The following PLCG2 variants were observed in gnomAD, a reference collection of about 807,000 sequenced individuals.
PLCG2 encodes the protein phospholipase C gamma 2, also known as 1-phosphatidylinositol 4,5-bisphosphate phosphodiesterase gamma-2.
PLCG2 carries 69 observed loss-of-function variants against 175.6 expected under a neutral mutation model. The ratio of observed to expected loss-of-function variants is 0.39; its 90% confidence interval spans 0.32 to 0.48. PLCG2 has a LOEUF of 0.48. Among genes scored for constraint, PLCG2 ranks in the 20% least tolerant of loss-of-function variants. PLCG2 has a pLI of 0.91. For missense variants in PLCG2, 1,798 were observed against 1,650.9 expected, an observed-to-expected ratio of 1.09 and a Z score of -1.54; for synonymous variants, 827 against 624.0, an observed-to-expected ratio of 1.33 and a Z score of -4.85.
intron 2 of PLCG2, among the ~76,000 whole-genome samples, chr16:81,804,738 C>G (rs1911913597): frequency 6.6e-6 from 1 of 152,166 alleles, no homozygotes; most frequent in Non-Finnish European, 1.5e-5. Context: ...ATGCTTCTTC[C>G]TAACTGTCCA....
At chr16:81,828,263 T>TTTTTG (rs1905124606) in intron 2 of PLCG2, among the ~76,000 whole-genome samples, 1 of 59,952 alleles carries the variant, frequency 1.7e-5, no homozygotes, top group African/African-American at 6.1e-5. Context: ...TTTTTTTTTT[T>TTTTTG]GAGACAGAAT....
intron 2 of PLCG2, among the ~76,000 whole-genome samples, chr16:81,809,683 G>T (rs918620550): frequency 6.6e-6 from 1 of 151,752 alleles, no homozygotes; most frequent in Non-Finnish European, 1.5e-5. Context: ...GTTCCCTGCG[G>T]TGTGTGAGCC....
chr16:81,917,100 C>T (rs567858570), intron 19 of PLCG2, among the ~76,000 whole-genome samples: 1 of 152,186 alleles, frequency 6.6e-6, no homozygotes, highest in African/African-American at 2.4e-5. Context: ...TCTCCACTTC[C>T]GTGAGTTTAA....
At chr16:81,873,349 T>A (rs1907611072) in intron 7 of PLCG2, among the ~76,000 whole-genome samples, 1 of 152,244 alleles carries the variant, frequency 6.6e-6, no homozygotes. Context: ...TAAAAGCTTA[T>A]CAGAATACTT....
intron 2 of PLCG2, among the ~76,000 whole-genome samples, chr16:81,812,203 C>T (rs1244784583): frequency 6.6e-6 from 1 of 152,024 alleles, no homozygotes; most frequent in East Asian, 1.9e-4. Flanking sequence ...GCACCTGCCA[C>T]CGCGCCTGGC....
chr16:81,951,242 G>A (rs1026874163), intron 31 of PLCG2, among the ~76,000 whole-genome samples: 4 of 152,138 alleles, frequency 2.6e-5, no homozygotes, highest in African/African-American at 4.8e-5. Flanking sequence ...GGAATTACAC[G>A]TGTCAGCCAC....
chr16:81,787,722 C>A (rs1315942010), intron 2 of PLCG2, among the ~76,000 whole-genome samples: 1 of 152,042 alleles, frequency 6.6e-6, no homozygotes, highest in Non-Finnish European at 1.5e-5. Context: ...CTTTCACCAT[C>A]ACCCCATCCC....
At position 81,869,255 on chromosome 16, in the gene PLCG2, A is replaced by C; in HGVS notation, c.521A>C (p.Asn174Thr). Residue 174 changes from asparagine to threonine, a missense_variant, in exon 6 of 33, where the codon AAC (asparagine) becomes ACC (threonine). Transcript: ENST00000564138. ...RELKTILPLI[N>T]FKVSSAKFLK... ...TTGAAGACCATCTTGCCCCTGATCA[A>C]CTTTAAAGTGAGCAGTGCCAAGTTC... The C allele has an allele frequency of 6.2e-7, 1 of 1,614,004 alleles. No homozygotes were observed. Among genetic ancestry groups the C allele is most frequent in the Non-Finnish European group, 8.5e-7 (1 of 1,179,878 alleles).
intron 6 of PLCG2, among the ~76,000 whole-genome samples, chr16:81,869,699 T>A (rs1907420743): frequency 6.6e-6 from 1 of 152,218 alleles, no homozygotes; most frequent in South Asian, 2.1e-4. Context: ...TGTATGCAAG[T>A]CCTGGTAGTG....
In PLCG2 at chr16:81,795,793, C is replaced by T. The variant is rs115314940; in HGVS notation, c.193+9611C>T. 4.0e-3 allele frequency among the ~76,000 whole-genome samples: 612 copies of T among 152,182 alleles called. 5 individuals carry two copies. Among genetic ancestry groups the T allele is most frequent in the African/African-American group, 0.014 (574 of 41,518 alleles). On this transcript the variant is annotated intron_variant, in intron 2 of 32. Transcript: ENST00000564138. ...CAGCTCACTGCAGCCTTGAACTCCT[C>T]GGATCAAGTGATCCTCCTGCTTTGG...
intron 22 of PLCG2, among the ~76,000 whole-genome samples, chr16:81,924,498 T>G (rs1328015181): frequency 6.6e-6 from 1 of 152,366 alleles, no homozygotes; most frequent in African/African-American, 2.4e-5. Flanking sequence ...ATGAGGAAAC[T>G]GAAGCCTTCA....
At chr16:81,938,980 C>A (rs1330575777) in intron 29 of PLCG2, 65 bp downstream of exon 29, 5 of 899,020 alleles carry the variant, frequency 5.6e-6, no homozygotes, top group Non-Finnish European at 9.1e-6. Flanking sequence ...TGTGGGAGTG[C>A]TCTTCGTGGG....
At chr16:81,790,612 T>G (rs1597320261) in intron 2 of PLCG2, among the ~76,000 whole-genome samples, 1 of 152,136 alleles carries the variant, frequency 6.6e-6, no homozygotes, top group Admixed American at 6.5e-5. Context: ...CAGGGGCAGG[T>G]GCACATGAGA....
intron 5 of PLCG2, among the ~76,000 whole-genome samples, chr16:81,864,766 C>G (rs1003517393): frequency 6.6e-6 from 1 of 152,142 alleles, no homozygotes; most frequent in South Asian, 2.1e-4. Flanking sequence ...CACGGGGCTG[C>G]CATCCTTAAT....
chr16:81,937,180 T>A (rs1910751562), intron 27 of PLCG2, among the ~76,000 whole-genome samples: 1 of 152,176 alleles, frequency 6.6e-6, no homozygotes, highest in African/African-American at 2.4e-5. Context: ...TGGGCGGGGA[T>A]GCAAATAGGT....
chr16:81,835,341 A>G (rs1396999190), intron 2 of PLCG2, among the ~76,000 whole-genome samples: 1 of 151,918 alleles, frequency 6.6e-6, no homozygotes, highest in Non-Finnish European at 1.5e-5. Flanking sequence ...CACACCTGTA[A>G]TCCCAGCACT....
At chr16:81,928,924 C>A in intron 24 of PLCG2, 1 of 345,100 alleles carries the variant, frequency 2.9e-6, no homozygotes, top group Admixed American at 4.1e-5. Flanking sequence ...CTGTGTTTCC[C>A]ATGCGTTGCG....
chr16:81,894,815 G>A (rs1908804671), intron 12 of PLCG2, among the ~76,000 whole-genome samples: 1 of 152,098 alleles, frequency 6.6e-6, no homozygotes. Flanking sequence ...AGAGGTTGCA[G>A]TAAGCTGAGA....
intron 30 of PLCG2, among the ~76,000 whole-genome samples, chr16:81,945,840 G>T (rs192139816): frequency 2.0e-5 from 3 of 152,294 alleles, no homozygotes; most frequent in Admixed American, 6.5e-5. Context: ...TTTGGTCTCA[G>T]GAGTATTTAA....
Sources: allele counts gnomAD v4.1 joint callset (sites outside exome capture counted in the v4.1 genomes callset), GRCh38; gene constraint gnomAD v4.1.1; transcripts MANE v1.5; gene names NCBI Gene and HGNC (gene_info 2026-07-23, HGNC 2026-07-21).